The following LRMDA variants were observed in gnomAD, a reference collection of about 807,000 sequenced individuals.
LRMDA encodes leucine rich melanocyte differentiation associated.
In LRMDA, 18 loss-of-function variants were observed where a neutral mutation model predicts 29.8. The ratio of observed to expected loss-of-function variants is 0.60; its 90% CI spans 0.42 to 0.90. LRMDA has a LOEUF of 0.90. Among genes scored for constraint, LRMDA ranks in the 40% least tolerant of loss-of-function variants. LRMDA has a pLI of 0.00. For missense variants in LRMDA, 273 were observed against 273.9 expected (o/e 1.00, Z 0.02); for synonymous variants, 125 against 109.4 (o/e 1.14, Z -0.89).
chr10:75,755,697 C>G (rs543730055), intron 2 of LRMDA, among the ~76,000 whole-genome samples: 5 of 152,354 alleles, frequency 3.3e-5, no homozygotes, highest in African/African-American at 1.2e-4. Context: ...GCAAGCAATG[C>G]AAAGGTCCTA....
chr10:75,691,791 C>T (rs779944717), intron 2 of LRMDA, among the ~76,000 whole-genome samples: 6 of 152,092 alleles, frequency 3.9e-5, no homozygotes, highest in East Asian at 1.9e-4. Context: ...TTTTTTAACC[C>T]GGTGTTGTAG....
rs536570472 is a variant in LRMDA, at chr10:75,618,642, G to C, written c.131+180148G>C. ...ACCTAACTACTAATAGCCTAATTTT[G>C]ACCAGAAGCCTTACCAATAACATAA... is the stretch of plus-strand genomic sequence containing the variant. On this transcript the variant is annotated intron_variant, in intron 2 of 6. Coordinates refer to ENST00000611255, the MANE Select transcript of LRMDA (RefSeq NM_001305581.2). 2.0e-5 allele frequency among the ~76,000 whole-genome samples: 3 copies of C among 149,738 alleles called. No homozygotes were observed. The East Asian group carries it at 5.8e-4, about 29-fold the overall frequency.
intron 2 of LRMDA, among the ~76,000 whole-genome samples, chr10:75,746,334 G>A (rs1015239872): frequency 2.6e-5 from 4 of 152,176 alleles, no homozygotes; most frequent in Non-Finnish European, 5.9e-5. Context: ...TAGTTTGGTG[G>A]TCTTGGTTCA....
chr10:76,159,809 A>C (rs80057334), intron 5 of LRMDA, among the ~76,000 whole-genome samples: 1,742 of 152,316 alleles, frequency 0.011, 21 homozygotes, highest in African/African-American at 0.034. Flanking sequence ...TTCTAGCTAT[A>C]TGTCATTCTA....
intron 2 of LRMDA, among the ~76,000 whole-genome samples, chr10:75,482,618 GT>G (rs1454149906): frequency 6.6e-6 from 1 of 152,134 alleles, no homozygotes; most frequent in Non-Finnish European, 1.5e-5. Context: ...CATGGTAGAT[GT>G]GCAGCACATA....
intron 2 of LRMDA, among the ~76,000 whole-genome samples, chr10:75,588,836 T>C (rs1219281410): frequency 6.6e-6 from 1 of 152,224 alleles, no homozygotes; most frequent in East Asian, 1.9e-4. Context: ...ATATAGATTA[T>C]GTCTTTGTCA....
At chr10:76,185,422 A>T (rs1851130386) in intron 5 of LRMDA, among the ~76,000 whole-genome samples, 1 of 152,212 alleles carries the variant, frequency 6.6e-6, no homozygotes, top group South Asian at 2.1e-4. Context: ...GAATGATAAT[A>T]CTTGGTATTT....
intron 2 of LRMDA, among the ~76,000 whole-genome samples, chr10:75,580,266 A>G (rs1840570207): frequency 6.6e-6 from 1 of 152,238 alleles, no homozygotes; most frequent in Non-Finnish European, 1.5e-5. Context: ...AAACATTCCT[A>G]TACAGCAGTA....
intron 2 of LRMDA, among the ~76,000 whole-genome samples, chr10:75,565,153 C>G (rs1840353820): frequency 6.6e-6 from 1 of 152,214 alleles, no homozygotes; most frequent in African/African-American, 2.4e-5. Flanking sequence ...GGGAGATTCT[C>G]TATGCCGTCC....
At chr10:76,483,401 C>T (rs766836876) in intron 6 of LRMDA, among the ~76,000 whole-genome samples, 4 of 151,830 alleles carry the variant, frequency 2.6e-5, no homozygotes, top group East Asian at 1.9e-4. Flanking sequence ...CAGGCAGGGC[C>T]CCATAGGGGA....
At chr10:76,265,537 C>T (rs1365683367) in intron 5 of LRMDA, among the ~76,000 whole-genome samples, 1 of 152,202 alleles carries the variant, frequency 6.6e-6, no homozygotes, top group Non-Finnish European at 1.5e-5. Flanking sequence ...AAGTGCTCCT[C>T]ACTTTCCACA....
rs533856754 is a variant in LRMDA at position 76,559,778 on chromosome 10, C to T, written c.*2490C>T. ...TTTATCCTATTCCACTGAGCTTGTT[C>T]TTTGGGGATTGTGGTGCCTGACATC... On this transcript the variant is annotated 3_prime_UTR_variant, in exon 7 of 7. Coordinates refer to ENST00000611255, the MANE Select transcript of LRMDA (RefSeq NM_001305581.2). The T allele has an allele frequency of 5.9e-5, 9 of 152,320 alleles. No homozygotes were observed. Among genetic ancestry groups the T allele is most frequent in the African/African-American group, 2.2e-4 (9 of 41,576 alleles). The allele number at this position is 152,320 out of a possible 1,614,324, so 9.4% of individuals were successfully genotyped here.
At chr10:76,402,402 G>C (rs1235260037) in intron 6 of LRMDA, 3 of 152,172 alleles carry the variant, frequency 2.0e-5, no homozygotes, top group Non-Finnish European at 4.4e-5. Context: ...ACCCAGGCTA[G>C]AGTGCAGTGG....
chr10:75,869,334 T>C (rs1845070758), intron 2 of LRMDA, among the ~76,000 whole-genome samples: 1 of 152,182 alleles, frequency 6.6e-6, no homozygotes, highest in Non-Finnish European at 1.5e-5. Flanking sequence ...CTGCACCCCA[T>C]GGCCAACCCC....
At chr10:76,456,169 A>T (rs1375617009) in intron 6 of LRMDA, among the ~76,000 whole-genome samples, 1 of 152,214 alleles carries the variant, frequency 6.6e-6, no homozygotes, top group East Asian at 1.9e-4. Flanking sequence ...ACAAATAGCC[A>T]GATTCAATTT....
At chr10:76,031,458 T>A (rs1310522742) in intron 2 of LRMDA, among the ~76,000 whole-genome samples, 1 of 152,102 alleles carries the variant, frequency 6.6e-6, no homozygotes, top group Non-Finnish European at 1.5e-5. Context: ...ATTGGCCGTT[T>A]TTTTCTTAGA....
At chr10:76,454,205 A>T (rs945956393) in intron 6 of LRMDA, among the ~76,000 whole-genome samples, 1 of 152,214 alleles carries the variant, frequency 6.6e-6, no homozygotes, top group African/African-American at 2.4e-5. Flanking sequence ...AGTTCTTAGG[A>T]TGAATCACAT....
chr10:75,796,052 A>C (rs753781233), intron 2 of LRMDA, among the ~76,000 whole-genome samples: 3 of 152,222 alleles, frequency 2.0e-5, no homozygotes, highest in Non-Finnish European at 4.4e-5. Flanking sequence ...CTTTGTATCT[A>C]GCAACCTTGC....
chr10:75,460,404 G>A (rs1844571146), intron 2 of LRMDA, among the ~76,000 whole-genome samples: 1 of 152,054 alleles, frequency 6.6e-6, no homozygotes, highest in Admixed American at 6.6e-5. Flanking sequence ...AGCCCCTTGT[G>A]GTACCCTAGG....
Sources: gnomAD v4.1 joint callset for allele counts (sites outside exome capture counted in the v4.1 genomes callset) on GRCh38, gnomAD v4.1.1 for gene constraint, MANE v1.5 for transcripts, NCBI Gene and HGNC (gene_info 2026-07-23, HGNC 2026-07-21) for gene names.